Variants in GLP1R observed in about 807,000 individuals in gnomAD.
GLP1R encodes the protein glucagon like peptide 1 receptor.
GLP1R carries 32 observed loss-of-function variants against 68.4 expected under a neutral mutation model. That is an observed-to-expected ratio of 0.47 (90% CI 0.35 to 0.63). The LOEUF is 0.63. Among genes scored for constraint, GLP1R ranks in the 20% least tolerant of loss-of-function variants. The pLI, the probability that GLP1R is intolerant of heterozygous loss-of-function variation, is 0.00. For missense variants in GLP1R, 502 were observed against 594.9 expected (o/e 0.84, Z 1.62); for synonymous variants, 263 against 244.4 (o/e 1.08, Z -0.71).
intron 7 of GLP1R, among the ~76,000 whole-genome samples, chr6:39,076,920 T>C (rs1038897194): frequency 1.3e-5 from 2 of 152,016 alleles, no homozygotes; most frequent in Admixed American, 6.5e-5. Flanking sequence ...AAATCCAATT[T>C]TAAATCAACC....
chr6:39,081,284 A>T (rs1243230481), intron 12 of GLP1R, among the ~76,000 whole-genome samples: 1 of 152,172 alleles, frequency 6.6e-6, no homozygotes, highest in African/African-American at 2.4e-5. Flanking sequence ...GGCTAAGGTG[A>T]AGTGTGGAAA....
At chr6:39,067,580 C>A (rs1583630449) in intron 5 of GLP1R, among the ~76,000 whole-genome samples, 2 of 152,328 alleles carry the variant, frequency 1.3e-5, no homozygotes, top group East Asian at 3.9e-4. Flanking sequence ...CTAAAGGCTT[C>A]ACCTTTTCAT....
At chr6:39,056,716 C>T (rs1768223009) in intron 2 of GLP1R, among the ~76,000 whole-genome samples, 1 of 152,226 alleles carries the variant, frequency 6.6e-6, no homozygotes, top group South Asian at 2.1e-4. Context: ...AGCACTGCCT[C>T]CTCCAGAAAA....
intron 5 of GLP1R, among the ~76,000 whole-genome samples, chr6:39,070,554 CCAGTTTACCCTCTCAT>C (rs1417534800): frequency 1.3e-5 from 2 of 152,214 alleles, no homozygotes. Flanking sequence ...AGTGGTCACA[CCAGTTTACCCTCTCAT>C]CAGTAATAAA....
rs371256017 is a variant in GLP1R, at chr6:39,083,627, A to G, written c.1225-2279A>G. 3.3e-5 allele frequency among the ~76,000 whole-genome samples: 5 copies of G among 152,266 alleles called. No homozygotes were observed. The South Asian group carries it at 1.0e-3, about 32-fold the overall frequency. On this transcript the variant is annotated intron_variant, in intron 12 of 12. Coordinates refer to ENST00000373256, the MANE Select transcript of GLP1R (RefSeq NM_002062.5). ...ACTGCCGAGCTGTGTGACCTGGGGC[A>G]AGTCATTTTGCCTCCCTTGCCTCTG...
At chr6:39,058,772 T>C (rs1376329397) in intron 3 of GLP1R, among the ~76,000 whole-genome samples, 2 of 152,232 alleles carry the variant, frequency 1.3e-5, no homozygotes, top group East Asian at 3.8e-4. Context: ...CCTGTGGTTA[T>C]ACCTGCTGTA....
Position 39,079,607 on chromosome 6 carries a change from C to T in GLP1R, c.1087C>T (p.His363Tyr), listed in dbSNP as rs765868899. ...GACACTCATCCCCCTGCTGGGGACT[C>T]ATGAGGTCATCTTTGCCTTTGTGAT... is the stretch of plus-strand genomic sequence containing the variant. ...TLTLIPLLGT[H>Y]EVIFAFVMDE... Residue 363 changes from histidine to tyrosine, a missense_variant, in exon 11 of 13, where the codon CAT (histidine) becomes TAT (tyrosine). By Grantham distance (83) the His-to-Tyr change is moderately conservative (BLOSUM62 2). Transcript: ENST00000373256. The surrounding 1 kb of genome is among the most constrained non-coding windows in gnomAD (Gnocchi z 4.5). 3 of 1,610,712 alleles carry T rather than the reference C, an allele frequency of 1.9e-6. No homozygotes were observed. Among genetic ancestry groups the T allele is most frequent in the East Asian group, 4.5e-5 (2 of 44,800 alleles).
chr6:39,081,199 A>G (rs1769004975), intron 12 of GLP1R, among the ~76,000 whole-genome samples: 1 of 152,222 alleles, frequency 6.6e-6, no homozygotes, highest in Admixed American at 6.5e-5. Flanking sequence ...ATACATGAAA[A>G]CACTGAAGAT....
intron 1 of GLP1R, among the ~76,000 whole-genome samples, chr6:39,052,297 G>A (rs182191730): frequency 1.3e-3 from 203 of 152,270 alleles, no homozygotes; most frequent in African/African-American, 4.5e-3. Flanking sequence ...AACAAGGGGC[G>A]GTCAAAGAGA....
chr6:39,073,577 G>A (rs377254552), intron 6 of GLP1R, 33 bp from the exon 7 acceptor site: 1 of 1,603,930 alleles, frequency 6.2e-7, no homozygotes, highest in Non-Finnish European at 8.5e-7. Flanking sequence ...GGGCAGAGCT[G>A]TTGTCCCCAT....
At position 39,079,203 on chromosome 6, in the gene GLP1R, G is replaced by A; in HGVS notation, c.1043+3G>A. 1 of 1,603,260 alleles carries A rather than the reference G, an allele frequency of 6.2e-7. No individual in the cohort carries two copies. Among genetic ancestry groups the A allele is most frequent in the Non-Finnish European group, 8.5e-7 (1 of 1,170,092 alleles). ...TGCAAGACAGACATCAAATGCAGGT[G>A]ATGTAACTGAGCTGGCTTTACTGAG... On this transcript the variant is annotated splice_donor_region_variant and intron_variant, in intron 10 of 12. Transcript: ENST00000373256. The surrounding 1 kb of genome is among the most constrained non-coding windows in gnomAD (Gnocchi z 4.5).
intron 7 of GLP1R, among the ~76,000 whole-genome samples, chr6:39,077,511 CAGAGAA>C (rs539483612): frequency 6.6e-6 from 1 of 152,210 alleles, no homozygotes; most frequent in Non-Finnish European, 1.5e-5. Flanking sequence ...AGCAAGTGAT[CAGAGAA>C]AGAGAAAGAG....
At chr6:39,053,233 A>G (rs1373458132) in intron 1 of GLP1R, among the ~76,000 whole-genome samples, 1 of 152,020 alleles carries the variant, frequency 6.6e-6, no homozygotes, top group Non-Finnish European at 1.5e-5. Context: ...CCACAGCCCC[A>G]CCTTGTCAGG....
At chr6:39,084,784 G>T (rs1188173469) in intron 12 of GLP1R, among the ~76,000 whole-genome samples, 3 of 152,232 alleles carry the variant, frequency 2.0e-5, no homozygotes, top group African/African-American at 7.2e-5. Flanking sequence ...GTTCTTTTAA[G>T]GGATGGCATG....
At chr6:39,053,739 A>G (rs1344983540) in intron 1 of GLP1R, among the ~76,000 whole-genome samples, 1 of 152,178 alleles carries the variant, frequency 6.6e-6, no homozygotes, top group African/African-American at 2.4e-5. Context: ...ACCCAGGTCC[A>G]GGCCCAGATC....
intron 3 of GLP1R, among the ~76,000 whole-genome samples, chr6:39,059,143 G>A (rs1768290405): frequency 6.6e-6 from 1 of 152,214 alleles, no homozygotes; most frequent in African/African-American, 2.4e-5. Context: ...AAGGAGGCAG[G>A]AGCCTGGGCC....
At position 39,090,802 on chromosome 6, in the gene GLP1R, TCAC is replaced by T. The variant is rs766422773; in HGVS notation, c.*4733_*4735del. ...TTTAGATGTGGTGAGAAAAGAGCTC[TCAC>T]CACAATTTGAAACATATAAAAAGTT... On this transcript the variant is annotated 3_prime_UTR_variant, in exon 13 of 13. Transcript: ENST00000373256. 3.3e-4 allele frequency among the ~76,000 whole-genome samples: 51 copies of T among 152,260 alleles called. No homozygotes were observed. Among genetic ancestry groups the T allele is most frequent in the Non-Finnish European group, 6.0e-4 (41 of 67,998 alleles).
At chr6:39,078,137 G>A (rs925458895) in intron 7 of GLP1R, among the ~76,000 whole-genome samples, 185 bp from the exon 8 acceptor site, 5 of 152,104 alleles carry the variant, frequency 3.3e-5, no homozygotes, top group African/African-American at 4.8e-5. Flanking sequence ...CTGGGGGTCC[G>A]CATGGGGCTC....
intron 8 of GLP1R, 78 bp from the exon 9 acceptor site, chr6:39,078,879 C>T (rs742761): frequency 0.082 from 100,322 of 1,216,086 alleles, 5,035 homozygotes; most frequent in East Asian, 0.2. Context: ...TGTGCATTGG[C>T]GGCCTCTGTG....
Sources: gnomAD v4.1 joint callset for allele counts (sites outside exome capture counted in the v4.1 genomes callset) on GRCh38, gnomAD v4.1.1 for gene constraint, Gnocchi (gnomAD v3.1) non-coding constraint, MANE v1.5 for transcripts, NCBI Gene and HGNC (gene_info 2026-07-23, HGNC 2026-07-21) for gene names.